The following SAXO2 variants were observed in gnomAD, a reference collection of about 807,000 sequenced individuals.
SAXO2 encodes family with sequence similarity 154, member B.
A neutral mutation model predicts 18.7 loss-of-function variants in SAXO2; 17 were observed. The observed-to-expected ratio is 0.91, with a 90% CI of 0.62 to 1.36. The LOEUF (loss-of-function observed/expected upper bound fraction) is 1.36, where lower values mean the gene tolerates loss of function less well. Ranked by LOEUF, SAXO2 falls within the 40% of genes most tolerant of loss-of-function variation. SAXO2 has a pLI of 0.00. For synonymous variants in SAXO2, 163 were observed against 181.2 expected, an observed-to-expected ratio of 0.90 and a Z score of 0.81; for missense variants, 486 against 562.6, an observed-to-expected ratio of 0.86 and a Z score of 1.38.
At chr15:82,275,364 G>A (rs766927150) in intron 3 of SAXO2, among the ~76,000 whole-genome samples, 33 of 148,276 alleles carry the variant, frequency 2.2e-4, no homozygotes, top group Non-Finnish European at 4.5e-4. Context: ...AGAACAGCTG[G>A]TACCAATCCT....
intron 3 of SAXO2, among the ~76,000 whole-genome samples, chr15:82,277,348 T>TA (rs1186494977): frequency 6.6e-6 from 1 of 152,154 alleles, no homozygotes; most frequent in Non-Finnish European, 1.5e-5. Flanking sequence ...TTTCACACAT[T>TA]AAAAAGATAT....
intron 3 of SAXO2, among the ~76,000 whole-genome samples, chr15:82,279,756 G>C (rs1262086706): frequency 1.3e-5 from 2 of 152,152 alleles, no homozygotes; most frequent in Non-Finnish European, 2.9e-5. Context: ...CCAAGTACCA[G>C]GAAAAAGAAC....
At position 82,283,638 on chromosome 15, in the gene SAXO2, C is replaced by T. The variant is rs908778531; in HGVS notation, c.*576C>T. The stretch of plus-strand genomic sequence containing the variant: ...AGGAAAGGCTCTGTGTGCTGGGAAT[C>T]GAAGGACTTGAGTTCAAGTTCTGAC... On this transcript the variant is annotated 3_prime_UTR_variant, in exon 4 of 4. Transcript: ENST00000682753. The T allele has an allele frequency of 2.6e-5, 4 of 152,226 alleles. No homozygotes were observed. The highest frequency in any genetic ancestry group is 7.2e-5 in the African/African-American group (3 of 41,406). The allele number at this position is 152,226 out of a possible 1,614,324, so 9.4% of individuals were successfully genotyped here. A position where few individuals can be genotyped will look rare whatever the true frequency, so the allele number is the denominator to read the frequency against.
At position 82,274,841 on chromosome 15, in the gene SAXO2, A is replaced by G. The variant is rs768425059; in HGVS notation, c.433+3039A>G. On this transcript the variant is annotated intron_variant, in intron 3 of 3. Transcript: ENST00000682753. ...ACATCAAAAAGATAGAAATATCTCA[A>G]ATTAACAACCTAACATTGCAACCAA... is the stretch of plus-strand genomic sequence containing the variant. 9.2e-5 allele frequency among the ~76,000 whole-genome samples: 14 copies of G among 152,040 alleles called. 1 individual carries two copies. The highest frequency in any genetic ancestry group is 2.1e-4 in the Non-Finnish European group (14 of 67,998).
At chr15:82,264,960 G>T in intron 1 of SAXO2, 2 of 546,828 alleles carry the variant, frequency 3.7e-6, no homozygotes, top group Non-Finnish European at 6.5e-6. Context: ...TAAATTGTAT[G>T]TGGAACCTTT....
chr15:82,265,602 T>A lies in SAXO2; in HGVS notation c.87T>A (p.Ile29=). The stretch of plus-strand genomic sequence containing the variant: ...ATTGTCCACGTGGAACCACAAGGAT[T>A]TATGAAAATTCTGGGGTGTTTTGCC... ...RHHCPRGTTR[I]YENSGVFCPT... The change falls in exon 2 of 4, where the codon ATT becomes ATA. Residue 29 remains isoleucine (I), a synonymous_variant. Transcript: ENST00000682753. 2.1e-6 allele frequency: 3 copies of A among 1,426,318 alleles called. No individual in the cohort carries two copies. The highest frequency in any genetic ancestry group is 2.7e-6 in the Non-Finnish European group (3 of 1,092,470). 88.4% of individuals were successfully genotyped at this position (1,426,318 alleles called of 1,614,324 possible).
intron 1 of SAXO2, chr15:82,264,974 C>G: frequency 1.9e-6 from 1 of 534,252 alleles, no homozygotes; most frequent in Non-Finnish European, 3.3e-6. Flanking sequence ...AACCTTTCTG[C>G]AAGAGCATGG....
rs76459631 is a variant in SAXO2 at position 82,276,305 on chromosome 15, G to C, written c.433+4503G>C. On this transcript the variant is annotated intron_variant, in intron 3 of 3. Transcript: ENST00000682753. ...TCATTAAAATGTCATACTACACAAAGCAATCTGCACATTACCAATATCATT... is the reference window on the plus strand; with the variant it reads ...TCATTAAAATGTCATACTACACAAACCAATCTGCACATTACCAATATCATT... Among the ~76,000 whole-genome samples, 19 of 151,922 alleles carry C rather than the reference G, an allele frequency of 1.3e-4. No individual in the cohort carries two copies. In the East Asian group the frequency reaches 3.7e-3, roughly 29 times the overall value.
At chr15:82,282,052 T>C (rs2075365663) in intron 3 of SAXO2, 67 bp from the exon 4 acceptor site, 1 of 1,308,964 alleles carries the variant, frequency 7.6e-7, no homozygotes, top group South Asian at 1.5e-5. Context: ...AAGTCAGTTA[T>C]GATTTTTAGA....
intron 3 of SAXO2, chr15:82,272,003 C>T (rs532206293): frequency 1.8e-5 from 9 of 487,948 alleles, no homozygotes; most frequent in Non-Finnish European, 2.9e-5. Flanking sequence ...TGGTAAAAGA[C>T]CCACAATCCC....
chr15:82,274,395 C>T lies in SAXO2; in HGVS notation c.433+2593C>T, dbSNP rs149583683. 2.7e-3 allele frequency among the ~76,000 whole-genome samples: 404 copies of T among 152,064 alleles called. 3 individuals carry two copies. Among genetic ancestry groups the T allele is most frequent in the African/African-American group, 9.0e-3 (373 of 41,536 alleles). ...ATGTGCTGCAGGTTTTGTAGATAAC[C>T]TATTTAAAAACAATTCTACAGCTGA... On this transcript the variant is annotated intron_variant, in intron 3 of 3. Coordinates refer to ENST00000682753, the MANE Select transcript of SAXO2 (RefSeq NM_001348699.2).
intron 3 of SAXO2, among the ~76,000 whole-genome samples, chr15:82,279,058 G>A (rs763050982): frequency 6.6e-6 from 1 of 151,856 alleles, no homozygotes; most frequent in Non-Finnish European, 1.5e-5. Context: ...GATAACAGCA[G>A]CAATCAATAA....
At position 82,283,102 on chromosome 15, in the gene SAXO2, T is replaced by C. The variant is rs773467002; in HGVS notation, c.*40T>C. On this transcript the variant is annotated 3_prime_UTR_variant, in exon 4 of 4. Coordinates refer to ENST00000682753, the MANE Select transcript of SAXO2 (RefSeq NM_001348699.2). ...TTAAAAGGAAGGTACTAGCAAGTTG[T>C]TGTTTTTCCAAGAGAAAACTCAATT... The C allele has an allele frequency of 7.5e-7, 1 of 1,326,570 alleles. No individual in the cohort carries two copies. The highest frequency in any genetic ancestry group is 9.8e-7 in the Non-Finnish European group (1 of 1,020,326). 82.2% of individuals were successfully genotyped at this position (1,326,570 alleles called of 1,614,324 possible).
At chr15:82,269,313 G>A (rs1470032021) in intron 2 of SAXO2, among the ~76,000 whole-genome samples, 1 of 152,142 alleles carries the variant, frequency 6.6e-6, no homozygotes, top group Non-Finnish European at 1.5e-5. Flanking sequence ...AGAAAAATGA[G>A]TCAAAACCTG....
intron 1 of SAXO2, among the ~76,000 whole-genome samples, chr15:82,264,193 C>A (rs1218115157): frequency 1.3e-5 from 2 of 151,100 alleles, no homozygotes; most frequent in Non-Finnish European, 2.9e-5. Context: ...GCCTCAGCCT[C>A]TCTGAGTAGC....
At chr15:82,265,343 C>T (rs1194640820) in intron 1 of SAXO2, among the ~76,000 whole-genome samples, 1 of 152,056 alleles carries the variant, frequency 6.6e-6, no homozygotes, top group Admixed American at 6.6e-5. Context: ...GGGGTTTCAC[C>T]GTGTTAGTCA....
At chr15:82,280,776 C>A (rs1567094465) in intron 3 of SAXO2, among the ~76,000 whole-genome samples, 1 of 152,294 alleles carries the variant, frequency 6.6e-6, no homozygotes, top group East Asian at 1.9e-4. Context: ...CTTTTCAATT[C>A]TCCCATTTCT....
At chr15:82,278,111 C>G (rs2075331075) in intron 3 of SAXO2, among the ~76,000 whole-genome samples, 1 of 151,984 alleles carries the variant, frequency 6.6e-6, no homozygotes, top group Admixed American at 6.6e-5. Context: ...TCTGACAACC[C>G]CAAGGAATAG....
intron 2 of SAXO2, among the ~76,000 whole-genome samples, chr15:82,267,361 C>T (rs1035643981): frequency 4.6e-5 from 7 of 152,156 alleles, no homozygotes; most frequent in African/African-American, 1.7e-4. Context: ...TTCTGATGAG[C>T]CTCTCCAAAG....
Sources: gnomAD v4.1 joint callset for allele counts (sites outside exome capture counted in the v4.1 genomes callset) on GRCh38, gnomAD v4.1.1 for gene constraint, MANE v1.5 for transcripts, NCBI Gene and HGNC (gene_info 2026-07-23, HGNC 2026-07-21) for gene names.